THADA: variants seen among roughly 807,000 people sequenced by gnomAD.
The protein encoded by THADA is tRNA (32-2'-O)-methyltransferase regulator THADA.
A neutral mutation model predicts 219.8 loss-of-function variants in THADA; 213 were observed. The ratio of observed to expected loss-of-function variants is 0.97; its 90% CI spans 0.87 to 1.09. THADA has a LOEUF of 1.09. THADA is among the 50% of genes least tolerant of loss of function. THADA has a pLI of 0.00. For synonymous variants in THADA, 1,018 were observed against 828.9 expected (o/e 1.23, Z -3.92); for missense variants, 2,956 against 2,311.3 (o/e 1.28, Z -5.72).
intron 26 of THADA, among the ~76,000 whole-genome samples, chr2:43,458,354 A>C (rs7599799): frequency 6.6e-6 from 1 of 152,112 alleles, no homozygotes; most frequent in Non-Finnish European, 1.5e-5. Flanking sequence ...CAAGAGTCCA[A>C]TGCCACCTGA....
intron 28 of THADA, among the ~76,000 whole-genome samples, chr2:43,417,040 T>TTC (rs1553434551): frequency 1.4e-5 from 2 of 141,356 alleles, no homozygotes; most frequent in African/African-American, 2.8e-5. Context: ...CTGTTTTCTT[T>TTC]TTTTTTTTTT....
At chr2:43,428,361 A>G (rs1573595532) in intron 27 of THADA, 130 bp from the exon 28 acceptor site, 3 of 861,762 alleles carry the variant, frequency 3.5e-6, no homozygotes, top group Non-Finnish European at 5.1e-6. Context: ...TAATCCCAGC[A>G]CTTTGGGAGG....
intron 30 of THADA, among the ~76,000 whole-genome samples, chr2:43,328,077 A>C (rs1679538400): frequency 6.6e-6 from 1 of 152,252 alleles, no homozygotes; most frequent in Non-Finnish European, 1.5e-5. Flanking sequence ...GTATAAATTA[A>C]ATAAAAAGAA....
Position 43,230,999 on chromosome 2 carries a change from A to C in THADA, c.5811T>G (p.Ser1937=), listed in dbSNP as rs377552891. ...GAGTTAACTGCCTCGATTCTGCATA[A>C]GAGTCCCAAACACTGAGAACTAGGG... ...EDTLVLSVWD[S]YAESRQLTLP... The change falls in exon 38 of 38, where the codon TCT becomes TCG. Residue 1937 remains serine (S), a synonymous_variant. Coordinates refer to ENST00000405975, the MANE Select transcript of THADA (RefSeq NM_022065.5). 6.2e-7 allele frequency: 1 copy of C among 1,613,748 alleles called. No individual in the cohort carries two copies. The highest frequency in any genetic ancestry group is 1.3e-5 in the African/African-American group (1 of 74,906).
chr2:43,505,981 C>G (rs1170430795), intron 23 of THADA, among the ~76,000 whole-genome samples: 2 of 152,162 alleles, frequency 1.3e-5, no homozygotes, highest in African/African-American at 2.4e-5. Context: ...CCACTTTGCT[C>G]ATTAAATTTT....
At chr2:43,316,567 C>T (rs539760080) in intron 31 of THADA, among the ~76,000 whole-genome samples, 3 of 152,078 alleles carry the variant, frequency 2.0e-5, no homozygotes, top group Admixed American at 6.6e-5. Context: ...ACAGTGAAGG[C>T]GAGGAGGTGA....
chr2:43,231,437 G>C, intron 37 of THADA, 94 bp from the exon 38 acceptor site: 3 of 1,322,004 alleles, frequency 2.3e-6, no homozygotes, highest in Non-Finnish European at 3.0e-6. Flanking sequence ...TGCAAGAGGG[G>C]TTTCCCTTCC....
chr2:43,356,619 G>T (rs1238615124), intron 29 of THADA, among the ~76,000 whole-genome samples: 2 of 152,092 alleles, frequency 1.3e-5, no homozygotes, highest in Non-Finnish European at 2.9e-5. Context: ...TCAATTCAAA[G>T]CACCTTTAGT....
chr2:43,570,845 T>C (rs1297808617), intron 13 of THADA, among the ~76,000 whole-genome samples: 4 of 152,222 alleles, frequency 2.6e-5, no homozygotes, highest in Admixed American at 2.6e-4. Context: ...TAATGATCTT[T>C]TGAGGTGCTT....
rs200743409 is a variant in THADA at position 43,574,690 on chromosome 2, C to A, written c.1375G>T (p.Gly459Cys). ...WHIKGKYTCL[G>C]CLVECIGVEH... ...ACTCCTATGCACTCTACCAAACAAC[C>A]AAGGCACGTGTACTTTCCTTTAATA... Residue 459 changes from glycine to cysteine, a missense_variant, in exon 11 of 38, where the codon GGT (glycine) becomes TGT (cysteine). Physicochemically the swap from Gly to Cys is radical, Grantham distance 159. Transcript: ENST00000405975. The A allele has an allele frequency of 1.2e-6, 2 of 1,613,898 alleles. No homozygotes were observed. Among genetic ancestry groups the A allele is most frequent in the Non-Finnish European group, 1.7e-6 (2 of 1,179,896 alleles).
At chr2:43,255,130 T>C (rs1670172821) in intron 36 of THADA, among the ~76,000 whole-genome samples, 1 of 152,210 alleles carries the variant, frequency 6.6e-6, no homozygotes, top group Non-Finnish European at 1.5e-5. Context: ...GGGCAGAGTA[T>C]GTAGCTTTTC....
intron 26 of THADA, chr2:43,484,329 A>C (rs1484418171): frequency 5.9e-6 from 1 of 168,906 alleles, no homozygotes; most frequent in Non-Finnish European, 1.5e-5. Flanking sequence ...ACAAAAATGC[A>C]TTTCAATAAA....
intron 28 of THADA, among the ~76,000 whole-genome samples, chr2:43,415,890 T>G (rs1315593735): frequency 6.9e-6 from 1 of 144,406 alleles, no homozygotes; most frequent in Non-Finnish European, 1.6e-5. Context: ...AATCTCTCTC[T>G]AGTCAAGCTT....
chr2:43,355,116 C>T (rs540856789), intron 29 of THADA, among the ~76,000 whole-genome samples: 1 of 152,306 alleles, frequency 6.6e-6, no homozygotes, highest in African/African-American at 2.4e-5. Flanking sequence ...CAAACTAATA[C>T]ACCATTCATC....
chr2:43,547,496 GGT>G (rs2103855562), intron 20 of THADA, among the ~76,000 whole-genome samples: 1 of 152,284 alleles, frequency 6.6e-6, no homozygotes, highest in Non-Finnish European at 1.5e-5. Context: ...GTCACTTTCA[GGT>G]ACACCAATCA....
chr2:43,483,206 A>T (rs903642788), intron 26 of THADA, among the ~76,000 whole-genome samples: 2 of 152,212 alleles, frequency 1.3e-5, no homozygotes, highest in African/African-American at 4.8e-5. Context: ...TAAGTAACCA[A>T]CCAAGATATC....
At chr2:43,447,716 G>T (rs1681756821) in intron 26 of THADA, among the ~76,000 whole-genome samples, 1 of 152,040 alleles carries the variant, frequency 6.6e-6, no homozygotes, top group South Asian at 2.1e-4. Context: ...CCCAGCTGCT[G>T]AAATAACCTC....
intron 8 of THADA, among the ~76,000 whole-genome samples, chr2:43,579,313 T>A (rs536987049): frequency 6.6e-6 from 1 of 152,284 alleles, no homozygotes; most frequent in South Asian, 2.1e-4. Context: ...ACAGACTTTT[T>A]CAAAAAGAGA....
In THADA at chr2:43,586,739, A is replaced by G. The variant is rs1701068146; in HGVS notation, c.452-5T>C. On this transcript the variant is annotated splice_region_variant and splice_polypyrimidine_tract_variant and intron_variant, in intron 5 of 37. Transcript: ENST00000405975. Reference sequence around the variant, plus strand: ...GATTATTAACACTTGCTCTACCTGTAGAGGAAAAAATGAACACTGGTAAGG... The same window carrying G: ...GATTATTAACACTTGCTCTACCTGTGGAGGAAAAAATGAACACTGGTAAGG... 2 of 1,612,336 alleles carry G rather than the reference A, an allele frequency of 1.2e-6. No individual in the cohort carries two copies. Among genetic ancestry groups the G allele is most frequent in the Non-Finnish European group, 1.7e-6 (2 of 1,179,484 alleles).
Sources: allele counts gnomAD v4.1 joint callset (sites outside exome capture counted in the v4.1 genomes callset), GRCh38; gene constraint gnomAD v4.1.1; transcripts MANE v1.5; gene names NCBI Gene and HGNC (gene_info 2026-07-23, HGNC 2026-07-21).